Variants in IMMP2L observed in about 807,000 individuals in gnomAD.
IMMP2L encodes inner mitochondrial membrane peptidase subunit 2.
IMMP2L carries 18 observed loss-of-function variants against 19.3 expected under a neutral mutation model. The observed-to-expected ratio is 0.93, with a 90% CI of 0.64 to 1.38. IMMP2L has a LOEUF of 1.38. Ranked by LOEUF, IMMP2L falls within the 40% of genes most tolerant of loss-of-function variation. The pLI, the probability that IMMP2L is intolerant of heterozygous loss-of-function variation, is 0.00. For missense variants in IMMP2L, 233 were observed against 218.2 expected (o/e 1.07, Z -0.43); for synonymous variants, 76 against 73.0 (o/e 1.04, Z -0.21).
intron 5 of IMMP2L, among the ~76,000 whole-genome samples, chr7:110,715,532 T>G (rs78032289): frequency 0.018 from 2,751 of 152,306 alleles, 84 homozygotes; most frequent in African/African-American, 0.063. Context: ...TTCCCAAAAA[T>G]CATTCAGGAG....
intron 1 of IMMP2L, among the ~76,000 whole-genome samples, chr7:111,558,262 C>T (rs1791608321): frequency 6.6e-6 from 1 of 152,156 alleles, no homozygotes; most frequent in South Asian, 2.1e-4. Context: ...TTCTGCATGA[C>T]CCCTTCTGAG....
chr7:110,925,135 T>C (rs1173059001), intron 4 of IMMP2L, among the ~76,000 whole-genome samples: 2 of 152,168 alleles, frequency 1.3e-5, no homozygotes, highest in Admixed American at 6.5e-5. Context: ...CCAAGGAAGA[T>C]TAGCTTTTAT....
intron 3 of IMMP2L, among the ~76,000 whole-genome samples, chr7:111,445,866 G>C (rs886434822): frequency 6.6e-6 from 1 of 150,736 alleles, no homozygotes; most frequent in South Asian, 2.1e-4. Flanking sequence ...TGCGTGAGCC[G>C]AAGCAGGGCG....
intron 5 of IMMP2L, among the ~76,000 whole-genome samples, chr7:110,810,008 A>T (rs1801912420): frequency 6.6e-6 from 1 of 152,044 alleles, no homozygotes; most frequent in Non-Finnish European, 1.5e-5. Flanking sequence ...CAACTCTAAG[A>T]GGTTGGTGGC....
At chr7:110,910,021 C>G (rs181877204) in intron 4 of IMMP2L, among the ~76,000 whole-genome samples, 1 of 142,250 alleles carries the variant, frequency 7.0e-6, no homozygotes, top group African/African-American at 2.5e-5. Context: ...ACTAATGGAA[C>G]TTTTAAGTAC....
At chr7:111,361,362 G>C (rs116724619) in intron 3 of IMMP2L, among the ~76,000 whole-genome samples, 3,295 of 152,156 alleles carry the variant, frequency 0.022, 121 homozygotes, top group African/African-American at 0.075. Context: ...CATTCTTGAA[G>C]ATTTAATTGT....
At chr7:111,230,395 C>T (rs1188976882) in intron 3 of IMMP2L, among the ~76,000 whole-genome samples, 1 of 151,946 alleles carries the variant, frequency 6.6e-6, no homozygotes, top group Admixed American at 6.6e-5. Flanking sequence ...TAAAGAGATT[C>T]AAAAGGGAAG....
intron 3 of IMMP2L, among the ~76,000 whole-genome samples, chr7:111,080,950 TATTC>T (rs2129576419): frequency 6.6e-6 from 1 of 152,336 alleles, no homozygotes; most frequent in South Asian, 2.1e-4. Flanking sequence ...CCTAAGTAAA[TATTC>T]TATAAGCACA....
intron 3 of IMMP2L, among the ~76,000 whole-genome samples, chr7:111,023,677 A>T (rs2129567363): frequency 6.6e-6 from 1 of 152,324 alleles, no homozygotes; most frequent in South Asian, 2.1e-4. Context: ...ATTGCACTCC[A>T]GCCTGGGTAA....
At chr7:111,380,929 G>T (rs964372759) in intron 3 of IMMP2L, among the ~76,000 whole-genome samples, 2 of 151,254 alleles carry the variant, frequency 1.3e-5, no homozygotes, top group Admixed American at 6.6e-5. Flanking sequence ...GATTCTAAGT[G>T]AAAAATATCA....
At chr7:111,212,962 C>A (rs1410037388) in intron 3 of IMMP2L, among the ~76,000 whole-genome samples, 1 of 152,292 alleles carries the variant, frequency 6.6e-6, no homozygotes, top group South Asian at 2.1e-4. Flanking sequence ...GCTGCCATGA[C>A]ACCAGCTTCA....
intron 1 of IMMP2L, among the ~76,000 whole-genome samples, chr7:111,521,651 T>G (rs548627161): frequency 6.6e-6 from 1 of 152,258 alleles, no homozygotes; most frequent in African/African-American, 2.4e-5. Flanking sequence ...GGTTAATGCT[T>G]TTCCACAACT....
At chr7:111,305,898 G>C (rs894142625) in intron 3 of IMMP2L, among the ~76,000 whole-genome samples, 20 of 152,244 alleles carry the variant, frequency 1.3e-4, no homozygotes, top group Non-Finnish European at 2.8e-4. Context: ...AGGTAAACTA[G>C]CTTCTGAGGA....
At position 111,200,887 on chromosome 7, in the gene IMMP2L, G is replaced by C. The variant is rs1272964821; in HGVS notation, c.240-237322C>G. On this transcript the variant is annotated intron_variant, in intron 3 of 5. Transcript: ENST00000405709. ...ACTGCCAATAGTATTTAGTACTCCTGCAAGAACTAATATTGTCATTGTTGC... is the reference window on the plus strand; with the variant it reads ...ACTGCCAATAGTATTTAGTACTCCTCCAAGAACTAATATTGTCATTGTTGC... Among the ~76,000 whole-genome samples the C allele has an allele frequency of 2.0e-5, 3 of 152,096 alleles. No homozygotes were observed. In the East Asian group the frequency reaches 5.8e-4, roughly 29 times the overall value.
At chr7:110,869,397 A>T (rs1000111333) in intron 5 of IMMP2L, among the ~76,000 whole-genome samples, 21 of 152,156 alleles carry the variant, frequency 1.4e-4, no homozygotes, top group African/African-American at 4.3e-4. Flanking sequence ...TTTAGAATGA[A>T]ATGTCTTTTT....
chr7:110,889,890 C>T (rs1408249273), intron 4 of IMMP2L, among the ~76,000 whole-genome samples: 1 of 152,152 alleles, frequency 6.6e-6, no homozygotes, highest in East Asian at 1.9e-4. Context: ...ATATATTAAA[C>T]ACTTGATAAG....
At chr7:110,780,243 T>C (rs1799645915) in intron 5 of IMMP2L, among the ~76,000 whole-genome samples, 1 of 151,214 alleles carries the variant, frequency 6.6e-6, no homozygotes, top group Non-Finnish European at 1.5e-5. Flanking sequence ...TTAAGTGTAC[T>C]GTTCAATTCC....
chr7:110,762,806 C>T (rs553768903), intron 5 of IMMP2L, among the ~76,000 whole-genome samples: 14 of 152,042 alleles, frequency 9.2e-5, no homozygotes, highest in African/African-American at 3.1e-4. Context: ...TCCCAAAAAC[C>T]GAAAGCAAAA....
At chr7:111,075,908 T>C (rs1367961516) in intron 3 of IMMP2L, among the ~76,000 whole-genome samples, 2 of 152,198 alleles carry the variant, frequency 1.3e-5, no homozygotes, top group South Asian at 2.1e-4. Flanking sequence ...GAAAAAAACA[T>C]AATGTTTTAC....
Sources: gnomAD v4.1 joint callset for allele counts (sites outside exome capture counted in the v4.1 genomes callset) on GRCh38, gnomAD v4.1.1 for gene constraint, MANE v1.5 for transcripts, NCBI Gene and HGNC (gene_info 2026-07-23, HGNC 2026-07-21) for gene names.